The following SLC9B1 variants were observed in gnomAD, a reference collection of about 807,000 sequenced individuals.
SLC9B1 encodes solute carrier family 9 member B1, also known as sodium/hydrogen exchanger 9B1.
SLC9B1 carries 32 observed loss-of-function variants against 51.7 expected under a neutral mutation model. That is an observed-to-expected ratio of 0.62 (90% CI 0.47 to 0.83). The LOEUF (loss-of-function observed/expected upper bound fraction) is 0.83. Among genes scored for constraint, SLC9B1 ranks in the 40% least tolerant of loss-of-function variants. The pLI is 0.00. For synonymous variants in SLC9B1, 145 were observed against 212.7 expected (o/e 0.68, Z 2.77); for missense variants, 406 against 613.2 (o/e 0.66, Z 3.57).
intron 7 of SLC9B1, among the ~76,000 whole-genome samples, chr4:102,931,602 C>T (rs535837597): frequency 3.9e-3 from 585 of 151,886 alleles, no homozygotes; most frequent in Non-Finnish European, 6.0e-3. Flanking sequence ...GAAATGTTTA[C>T]TTTCACAATT....
At chr4:102,968,481 A>G (rs1722297362) in intron 3 of SLC9B1, among the ~76,000 whole-genome samples, 1 of 152,210 alleles carries the variant, frequency 6.6e-6, no homozygotes, top group South Asian at 2.1e-4. Flanking sequence ...ATAAAAGAAA[A>G]ACTGGTAAAT....
chr4:103,017,761 C>T (rs546569386), intron 1 of SLC9B1, among the ~76,000 whole-genome samples: 1 of 152,290 alleles, frequency 6.6e-6, no homozygotes, highest in South Asian at 2.1e-4. Context: ...TATAGTTTAC[C>T]TATTTTCTAT....
chr4:102,887,422 G>A lies in SLC9B1; in HGVS notation c.1333-2094C>T, dbSNP rs1420518142. 1 of 1,015,632 alleles carries A rather than the reference G, an allele frequency of 9.8e-7. No homozygotes were observed. The highest frequency in any genetic ancestry group is 1.6e-5 in the African/African-American group (1 of 61,974). The allele number at this position is 1,015,632 out of a possible 1,614,324, so 62.9% of individuals were successfully genotyped here. A position where few individuals can be genotyped will look rare whatever the true frequency, so the allele number is the denominator to read the frequency against. On this transcript the variant is annotated intron_variant, in intron 11 of 11. Coordinates refer to the SLC9B1 transcript ENST00000394789. ...GGGTCCACTAATACTGAAGAAGAAA[G>A]AAGTATAATAATAATAACAATATTT...
chr4:102,966,378 T>C (rs1298059881), intron 3 of SLC9B1, among the ~76,000 whole-genome samples: 1 of 152,252 alleles, frequency 6.6e-6, no homozygotes, highest in Non-Finnish European at 1.5e-5. Context: ...GCAAAACTAG[T>C]ACCACATGGT....
At chr4:102,918,074 A>T in intron 7 of SLC9B1, among the ~76,000 whole-genome samples, 1 of 128,312 alleles carries the variant, frequency 7.8e-6, no homozygotes, top group Non-Finnish European at 1.6e-5. Flanking sequence ...ATCTCAAAAA[A>T]AAAAAAAAAA....
At chr4:102,984,650 G>A (rs1739523576) in intron 3 of SLC9B1, among the ~76,000 whole-genome samples, 1 of 152,138 alleles carries the variant, frequency 6.6e-6, no homozygotes. Flanking sequence ...AGCCGGAGCA[G>A]AATTTGTATT....
intron 3 of SLC9B1, among the ~76,000 whole-genome samples, chr4:102,985,461 C>A (rs1296850165): frequency 1.3e-5 from 2 of 151,884 alleles, no homozygotes; most frequent in Non-Finnish European, 1.5e-5. Context: ...ATCAATTATA[C>A]TTCTTTATAA....
At chr4:102,925,397 C>T (rs1300218773) in intron 7 of SLC9B1, among the ~76,000 whole-genome samples, 1 of 151,878 alleles carries the variant, frequency 6.6e-6, no homozygotes, top group South Asian at 2.1e-4. Flanking sequence ...CACACTGGGG[C>T]CTGTCATGGA....
At chr4:102,928,132 G>A (rs914428864) in intron 7 of SLC9B1, among the ~76,000 whole-genome samples, 4 of 152,084 alleles carry the variant, frequency 2.6e-5, no homozygotes, top group African/African-American at 4.8e-5. Context: ...TGTAAATGAT[G>A]AGTTGATGGG....
At chr4:102,961,510 C>T (rs940808858) in intron 3 of SLC9B1, among the ~76,000 whole-genome samples, 1 of 152,262 alleles carries the variant, frequency 6.6e-6, no homozygotes, top group African/African-American at 2.4e-5. Flanking sequence ...TCAGTGTTGT[C>T]TGAATAGTAT....
At chr4:102,981,699 GTTGT>G (rs1484935692) in intron 3 of SLC9B1, among the ~76,000 whole-genome samples, 1 of 151,994 alleles carries the variant, frequency 6.6e-6, no homozygotes, top group Non-Finnish European at 1.5e-5. Context: ...TTTTAATCTG[GTTGT>G]TTGTTTTCTT....
chr4:102,908,382 G>T (rs1478625728), intron 9 of SLC9B1, among the ~76,000 whole-genome samples: 1 of 139,218 alleles, frequency 7.2e-6, no homozygotes, highest in African/African-American at 2.6e-5. Flanking sequence ...TTATGTGTGT[G>T]TGTATAGATA....
chr4:102,943,662 A>G (rs1157725464), intron 6 of SLC9B1, among the ~76,000 whole-genome samples: 1 of 152,130 alleles, frequency 6.6e-6, no homozygotes, highest in Non-Finnish European at 1.5e-5. Flanking sequence ...CAAACATTGT[A>G]TGTTCTGACT....
chr4:102,919,385 A>T (rs945533135), intron 7 of SLC9B1, among the ~76,000 whole-genome samples: 4 of 152,224 alleles, frequency 2.6e-5, no homozygotes, highest in South Asian at 2.1e-4. Flanking sequence ...CTCAGGTCAT[A>T]AACTGAACAC....
chr4:102,909,822 A>ATTAT (rs1735251525), intron 9 of SLC9B1, among the ~76,000 whole-genome samples: 1 of 141,328 alleles, frequency 7.1e-6, no homozygotes, highest in African/African-American at 2.6e-5. Flanking sequence ...TTGTTTGTTT[A>ATTAT]TTATTTATTT....
downstream of SLC9B1, among the ~76,000 whole-genome samples, chr4:102,898,444 A>G (rs1734636014): frequency 6.6e-6 from 1 of 152,236 alleles, no homozygotes; most frequent in African/African-American, 2.4e-5. Flanking sequence ...AAAACAAAAA[A>G]TCCTCCCAAA....
At chr4:102,910,104 C>T (rs548042994) in intron 9 of SLC9B1, among the ~76,000 whole-genome samples, 41 of 152,096 alleles carry the variant, frequency 2.7e-4, no homozygotes, top group East Asian at 1.7e-3. Context: ...CATGAGCCAC[C>T]GTCCCCGGCC....
chr4:103,001,138 C>T (rs1740504019), intron 1 of SLC9B1, among the ~76,000 whole-genome samples: 1 of 152,218 alleles, frequency 6.6e-6, no homozygotes, highest in Admixed American at 6.5e-5. Context: ...ACAACCTGAG[C>T]TGTACATTGG....
chr4:102,891,444 GTC>G (rs1483099661), intron 11 of SLC9B1: 2 of 152,190 alleles, frequency 1.3e-5, no homozygotes, highest in Non-Finnish European at 2.9e-5. Context: ...GCATACAACT[GTC>G]TCTGAGGACA....
Sources: allele counts gnomAD v4.1 joint callset (sites outside exome capture counted in the v4.1 genomes callset), GRCh38; gene constraint gnomAD v4.1.1; transcripts MANE v1.5; gene names NCBI Gene and HGNC (gene_info 2026-07-23, HGNC 2026-07-21).